Variants in DIDO1 observed in about 807,000 individuals in gnomAD.
The protein encoded by DIDO1 is death inducer-obliterator 1.
DIDO1 carries 16 observed loss-of-function variants against 99.4 expected under a neutral mutation model. That is an observed-to-expected ratio of 0.16 (90% CI 0.11 to 0.24). The LOEUF (loss-of-function observed/expected upper bound fraction) is 0.24. DIDO1 is among the 10% of genes least tolerant of loss of function. The probability of loss-of-function intolerance (pLI) is 1.00; values close to 1 mark genes in which losing one functional copy is unlikely to be tolerated. For missense variants in DIDO1, 2,996 were observed against 3,014.0 expected, an observed-to-expected ratio of 0.99 and a Z score of 0.14; for synonymous variants, 1,366 against 1,239.1, an observed-to-expected ratio of 1.10 and a Z score of -2.15.
At chr20:62,925,847 G>T (rs2065241628) in intron 1 of DIDO1, among the ~76,000 whole-genome samples, 1 of 152,146 alleles carries the variant, frequency 6.6e-6, no homozygotes, top group African/African-American at 2.4e-5. Context: ...GAAAACCAGC[G>T]CGGGGAGGTA....
chr20:62,922,779 G>A (rs1342355275), intron 1 of DIDO1, among the ~76,000 whole-genome samples: 3 of 152,218 alleles, frequency 2.0e-5, no homozygotes, highest in South Asian at 2.1e-4. Context: ...CTATTTGTCC[G>A]ACATATTTGC....
At chr20:62,891,246 G>T in intron 14 of DIDO1, 91 bp from the exon 15 acceptor site, 1 of 1,567,038 alleles carries the variant, frequency 6.4e-7, no homozygotes, top group South Asian at 1.2e-5. Flanking sequence ...AGGAAACCTT[G>T]TCAGATCTCT....
rs1031606374 is a variant in DIDO1 at position 62,912,769 on chromosome 20, A to G, written c.-2-1155T>C. Among the ~76,000 whole-genome samples the G allele has an allele frequency of 2.6e-5, 4 of 152,354 alleles. No individual in the cohort carries two copies. In the East Asian group the frequency reaches 7.7e-4, roughly 29 times the overall value. On this transcript the variant is annotated intron_variant, in intron 2 of 15. Coordinates refer to ENST00000395343, the MANE Select transcript of DIDO1 (RefSeq NM_001193369.2). ...AAATGGGGCCGGGCCTGGTGGCTCAAGCCCATAATCCCAGCACTTCGGGAG... is the reference window on the plus strand; with the variant it reads ...AAATGGGGCCGGGCCTGGTGGCTCAGGCCCATAATCCCAGCACTTCGGGAG...
At chr20:62,933,966 G>C (rs1289602264) in intron 1 of DIDO1, among the ~76,000 whole-genome samples, 1 of 152,172 alleles carries the variant, frequency 6.6e-6, no homozygotes, top group South Asian at 2.1e-4. Context: ...CACCACCTCA[G>C]CTTGCAAGAC....
At position 62,894,674 on chromosome 20, in the gene DIDO1, T is replaced by C; in HGVS notation, c.2437-126A>G. The C allele has an allele frequency of 7.1e-7, 1 of 1,417,502 alleles. No homozygotes were observed. Among genetic ancestry groups the C allele is most frequent in the Non-Finnish European group, 9.5e-7 (1 of 1,053,926 alleles). 87.8% of individuals were successfully genotyped at this position (1,417,502 alleles called of 1,614,324 possible). A position where few individuals can be genotyped will look rare whatever the true frequency, so the allele number is the denominator to read the frequency against. ...CGGGGGAGAAAAAAGGACCATCTAA[T>C]ACAAGGACTGAGGAATGCCACAATG... On this transcript the variant is annotated intron_variant, in intron 10 of 15. Transcript: ENST00000395343. The surrounding 1 kb of genome is among the most constrained non-coding windows in gnomAD (Gnocchi z 4.4).
Position 62,893,667 on chromosome 20 carries a change from T to C in DIDO1, c.3100A>G (p.Ser1034Gly), listed in dbSNP as rs773719999. 18 of 1,596,238 alleles carry C rather than the reference T, an allele frequency of 1.1e-5. No homozygotes were observed. Among genetic ancestry groups the C allele is most frequent in the Non-Finnish European group, 1.5e-5 (18 of 1,165,874 alleles). The change falls in exon 12 of 16, where the codon AGC becomes GGC. Residue 1034 changes from serine to glycine, a missense_variant and splice_region_variant. Physicochemically the swap from Ser to Gly is moderately conservative, Grantham distance 56. Around this residue, in one of 5 missense-constraint regions of DIDO1, gnomAD observed 898 missense variants for 972.7 expected, o/e 0.92. Coordinates refer to ENST00000395343, the MANE Select transcript of DIDO1 (RefSeq NM_001193369.2). The part of the protein sequence containing the change: ...YLSVPPSPNI[S>G]TSESRSPPEG... Reference sequence around the variant, plus strand: ...TCAGACCACACCTGAAGTACGCACCTGATATTTGGTGACGGAGGAACTGAC... The same window carrying C: ...TCAGACCACACCTGAAGTACGCACCCGATATTTGGTGACGGAGGAACTGAC...
upstream of DIDO1, among the ~76,000 whole-genome samples, chr20:62,929,754 TTTTG>T (rs1490750090): frequency 1.2e-4 from 12 of 103,666 alleles, no homozygotes; most frequent in African/African-American, 5.8e-4. Context: ...TCAGCCACTG[TTTTG>T]TTTTTTTTTT....
In DIDO1 at chr20:62,885,547, T is replaced by C. The variant is rs116775781; in HGVS notation, c.3542-3133A>G. On this transcript the variant is annotated intron_variant, in intron 15 of 15. Coordinates refer to ENST00000395343, the MANE Select transcript of DIDO1 (RefSeq NM_001193369.2). The stretch of plus-strand genomic sequence containing the variant: ...AACAGCAACCGTCTGGAGATTGGCA[T>C]CAAACACGCAGCTGGCACGTGTAAA... Among the ~76,000 whole-genome samples, 357 of 152,332 alleles carry C rather than the reference T, an allele frequency of 2.3e-3. 2 individuals are homozygous for C. The highest frequency in any genetic ancestry group is 8.1e-3 in the African/African-American group (337 of 41,582).
chr20:62,886,249 G>A (rs536192686), intron 15 of DIDO1, among the ~76,000 whole-genome samples: 1 of 152,368 alleles, frequency 6.6e-6, no homozygotes, highest in South Asian at 2.1e-4. Flanking sequence ...TTCCACTGAA[G>A]GGTACTGATC....
intron 1 of DIDO1, among the ~76,000 whole-genome samples, chr20:62,922,049 AATAT>A (rs202189712): frequency 1.6e-5 from 2 of 123,068 alleles, no homozygotes; most frequent in African/African-American, 3.8e-5. Flanking sequence ...ATATACACAC[AATAT>A]ATATATACAC....
chr20:62,936,164 G>A (rs1346848649), intron 1 of DIDO1, among the ~76,000 whole-genome samples: 1 of 152,240 alleles, frequency 6.6e-6, no homozygotes, highest in Non-Finnish European at 1.5e-5. Context: ...TGTAAACCCA[G>A]CACTCCCAGA....
upstream of DIDO1, among the ~76,000 whole-genome samples, chr20:62,929,926 C>T (rs1432223598): frequency 6.6e-6 from 1 of 151,870 alleles, no homozygotes; most frequent in African/African-American, 2.4e-5. Context: ...CTGCCTTTGG[C>T]TCCTTTGAAG....
intron 1 of DIDO1, among the ~76,000 whole-genome samples, chr20:62,922,211 CAT>C (rs201568138): frequency 1.1e-5 from 1 of 90,930 alleles, no homozygotes; most frequent in Non-Finnish European, 2.3e-5. Context: ...TATATATGTA[CAT>C]ATATATACAC....
At chr20:62,908,099 C>T (rs1407967682) in intron 4 of DIDO1, among the ~76,000 whole-genome samples, 2 of 152,248 alleles carry the variant, frequency 1.3e-5, no homozygotes, top group Non-Finnish European at 2.9e-5. Context: ...CCCACCCCAG[C>T]CTCCCCAGTA....
At chr20:62,908,361 C>T (rs577570459) in intron 4 of DIDO1, among the ~76,000 whole-genome samples, 1 of 152,290 alleles carries the variant, frequency 6.6e-6, no homozygotes, top group African/African-American at 2.4e-5. Context: ...CCACAGCCCC[C>T]GCTGCACCGT....
chr20:62,880,244 T>C lies in DIDO1; in HGVS notation c.5712A>G (p.Arg1904=), dbSNP rs1277951473. The C allele has an allele frequency of 3.1e-6, 5 of 1,612,400 alleles. No individual in the cohort carries two copies. Among genetic ancestry groups the C allele is most frequent in the Non-Finnish European group, 3.4e-6 (4 of 1,179,906 alleles). Residue 1904 remains arginine (R), a synonymous_variant, in exon 16 of 16, where the codon CGA becomes CGG. Transcript: ENST00000395343. Reference sequence around the variant, plus strand: ...CAAACTGAGAGGGAGGGGGGCCGCCTCGGGGGCCTTTCAGCTGAGACAGCA... The same window carrying C: ...CAAACTGAGAGGGAGGGGGGCCGCCCCGGGGGCCTTTCAGCTGAGACAGCA... ...RPLLSQLKGP[R]GGPPPSQFGG...
At chr20:62,906,962 C>T (rs892861617) in intron 5 of DIDO1, among the ~76,000 whole-genome samples, 185 bp downstream of exon 5, 1 of 152,220 alleles carries the variant, frequency 6.6e-6, no homozygotes, top group African/African-American at 2.4e-5. Flanking sequence ...TGTTAATTAA[C>T]CCCTCAGCTA....
Position 62,881,733 on chromosome 20 carries a change from T to C in DIDO1, c.4223A>G (p.His1408Arg). Residue 1408 changes from histidine to arginine, a missense_variant, in exon 16 of 16, where the codon CAC (histidine) becomes CGC (arginine). Physicochemically the swap from His to Arg is conservative, Grantham distance 29. Transcript: ENST00000395343. The surrounding 1 kb of genome is among the most constrained non-coding windows in gnomAD (Gnocchi z 8.3). Reference sequence around the variant, plus strand: ...TGCTTCAGGAGCCCTTTCCACCTCGTGGCGCCGCCCTCGCTCCACAAGCTG... The same window carrying C: ...TGCTTCAGGAGCCCTTTCCACCTCGCGGCGCCGCCCTCGCTCCACAAGCTG... The part of the protein sequence containing the change: ...DTQLVERGRR[H>R]EVERAPEAAA... The C allele has an allele frequency of 1.2e-6, 2 of 1,613,008 alleles. No individual in the cohort carries two copies. The highest frequency in any genetic ancestry group is 1.7e-6 in the Non-Finnish European group (2 of 1,180,012).
At chr20:62,888,390 G>A in intron 15 of DIDO1, 1 of 985,522 alleles carries the variant, frequency 1.0e-6, no homozygotes, top group Non-Finnish European at 1.2e-6. Flanking sequence ...CAAGGCTGGG[G>A]CGCCAGGTCT....
Sources: allele counts gnomAD v4.1 joint callset (sites outside exome capture counted in the v4.1 genomes callset), GRCh38; gene constraint gnomAD v4.1.1; regional missense constraint gnomAD v4.1.1; non-coding constraint Gnocchi (gnomAD v3.1); transcripts MANE v1.5; gene names NCBI Gene and HGNC (gene_info 2026-07-23, HGNC 2026-07-21).